Variants in SFXN1 observed in about 807,000 individuals in gnomAD.
SFXN1 encodes the protein sideroflexin-1.
SFXN1 carries 32 observed loss-of-function variants against 39.5 expected under a neutral mutation model. The ratio of observed to expected loss-of-function variants is 0.81; its 90% CI spans 0.61 to 1.09. The LOEUF (loss-of-function observed/expected upper bound fraction) is 1.09. Ranked by LOEUF, SFXN1 falls within the 50% of genes least tolerant of loss-of-function variation. The probability of loss-of-function intolerance (pLI) is 0.00; values close to 1 mark genes in which losing one functional copy is unlikely to be tolerated. For missense variants in SFXN1, 402 were observed against 407.1 expected (o/e 0.99, Z 0.11); for synonymous variants, 136 against 146.5 (o/e 0.93, Z 0.52).
intron 3 of SFXN1, 84 bp from the exon 4 acceptor site, chr5:175,510,025 C>G: frequency 9.2e-7 from 1 of 1,082,710 alleles, no homozygotes; most frequent in Non-Finnish European, 1.4e-6. Context: ...CGTCTCCTCT[C>G]TGGTTACTGG....
At chr5:175,513,728 G>C in intron 7 of SFXN1, 138 bp downstream of exon 7, 1 of 875,000 alleles carries the variant, frequency 1.1e-6, no homozygotes, top group Non-Finnish European at 1.7e-6. Context: ...AAATAAACAA[G>C]TAAATAAAGT....
chr5:175,487,258 A>G (rs1759485272), intron 1 of SFXN1, among the ~76,000 whole-genome samples: 1 of 152,196 alleles, frequency 6.6e-6, no homozygotes, highest in African/African-American at 2.4e-5. Flanking sequence ...ATTTGTCTTT[A>G]TAAGAAGCTC....
At chr5:175,495,470 T>C (rs1393110139) in intron 2 of SFXN1, among the ~76,000 whole-genome samples, 1 of 152,226 alleles carries the variant, frequency 6.6e-6, no homozygotes, top group Admixed American at 6.5e-5. Context: ...GGCACATGCC[T>C]GTAATCCCAG....
chr5:175,524,036 A>G (rs2113365985), intron 10 of SFXN1: 1 of 147,914 alleles, frequency 6.8e-6, no homozygotes, highest in South Asian at 2.2e-4. Context: ...CCCAGTAGGC[A>G]GAGGCTGTGG....
intron 4 of SFXN1, chr5:175,510,418 G>A: frequency 1.9e-6 from 1 of 518,890 alleles, no homozygotes; most frequent in Non-Finnish European, 3.4e-6. Flanking sequence ...CTTCCAGCCT[G>A]CCTTCTCAGA....
intron 1 of SFXN1, among the ~76,000 whole-genome samples, chr5:175,486,187 T>G (rs267391): frequency 0.64 from 96,033 of 150,392 alleles, 30,734 homozygotes; most frequent in African/African-American, 0.7. Flanking sequence ...AGGAAAAAAG[T>G]GGGGGGGCCT....
At chr5:175,522,982 TC>T (rs1327254202) in intron 10 of SFXN1, 1 of 152,430 alleles carries the variant, frequency 6.6e-6, no homozygotes, top group African/African-American at 2.4e-5. Context: ...TTGACCTGAC[TC>T]CAACACACAA....
At chr5:175,483,258 G>A (rs913445604) in intron 1 of SFXN1, among the ~76,000 whole-genome samples, 2 of 152,064 alleles carry the variant, frequency 1.3e-5, no homozygotes, top group East Asian at 1.9e-4. Flanking sequence ...CCAGGTAGCC[G>A]ACATCATTGT....
At chr5:175,501,796 C>T (rs544397705) in intron 2 of SFXN1, among the ~76,000 whole-genome samples, 288 of 152,330 alleles carry the variant, frequency 1.9e-3, no homozygotes, top group African/African-American at 6.0e-3. Flanking sequence ...ACACCTACTT[C>T]ACCTACTAGA....
At chr5:175,517,898 T>G (rs1561674397) in intron 8 of SFXN1, among the ~76,000 whole-genome samples, 1 of 152,102 alleles carries the variant, frequency 6.6e-6, no homozygotes, top group African/African-American at 2.4e-5. Flanking sequence ...GTGTGCCTCC[T>G]CTGCAAGGAG....
chr5:175,510,676 T>C (rs1277077258), intron 4 of SFXN1, among the ~76,000 whole-genome samples: 1 of 152,162 alleles, frequency 6.6e-6, no homozygotes, highest in Non-Finnish European at 1.5e-5. Context: ...GTTTTTAAAA[T>C]AGCTCATCTG....
intron 2 of SFXN1, among the ~76,000 whole-genome samples, chr5:175,497,950 A>C (rs960011814): frequency 6.6e-6 from 1 of 151,684 alleles, no homozygotes; most frequent in Non-Finnish European, 1.5e-5. Flanking sequence ...AAAAAAAAAA[A>C]AAAAACCACA....
chr5:175,518,881 A>G (rs1379527884), intron 8 of SFXN1, among the ~76,000 whole-genome samples: 1 of 152,254 alleles, frequency 6.6e-6, no homozygotes, highest in Non-Finnish European at 1.5e-5. Flanking sequence ...CCATAAAAGA[A>G]AAATTGATCA....
intron 2 of SFXN1, among the ~76,000 whole-genome samples, chr5:175,496,601 A>G (rs944571319): frequency 2.0e-5 from 3 of 152,252 alleles, no homozygotes; most frequent in Admixed American, 6.5e-5. Flanking sequence ...ATTTACTAAC[A>G]TAACAACAAA....
chr5:175,503,755 C>G (rs1012895117), intron 2 of SFXN1, among the ~76,000 whole-genome samples: 1 of 152,094 alleles, frequency 6.6e-6, no homozygotes, highest in Non-Finnish European at 1.5e-5. Context: ...ATAATCCCAA[C>G]ACTTTGAGAG....
In SFXN1 at chr5:175,525,511, T is replaced by G. The variant is rs145710048; in HGVS notation, c.873-1127T>G. Among the ~76,000 whole-genome samples, 41 of 152,342 alleles carry G rather than the reference T, an allele frequency of 2.7e-4. 1 individual carries two copies. In the East Asian group the frequency reaches 5.8e-3, roughly 21 times the overall value. On this transcript the variant is annotated intron_variant, in intron 10 of 10. Coordinates refer to ENST00000321442, the MANE Select transcript of SFXN1 (RefSeq NM_022754.7). ...TTTTTTTTCCTACCTTTTTTCTATATTCGTAATTTTTAAAATTTGTTTTGC... is the reference window on the plus strand; with the variant it reads ...TTTTTTTTCCTACCTTTTTTCTATAGTCGTAATTTTTAAAATTTGTTTTGC...
At position 175,480,780 on chromosome 5, in the gene SFXN1, C is replaced by G. The variant is rs147001471; in HGVS notation, c.-10+2141C>G. Among the ~76,000 whole-genome samples the G allele has an allele frequency of 6.5e-4, 99 of 152,272 alleles. No homozygotes were observed. In the East Asian group the frequency reaches 0.015, roughly 23 times the overall value. ...AAACGTTGTTGTTCTGGAAGACTTACGTTGAAGTCAGGCATCTGTATCCTG... is the reference window on the plus strand; with the variant it reads ...AAACGTTGTTGTTCTGGAAGACTTAGGTTGAAGTCAGGCATCTGTATCCTG... On this transcript the variant is annotated intron_variant, in intron 1 of 10. Transcript: ENST00000321442.
chr5:175,488,783 C>G (rs1482495657), intron 1 of SFXN1, among the ~76,000 whole-genome samples: 3 of 152,216 alleles, frequency 2.0e-5, no homozygotes, highest in Non-Finnish European at 4.4e-5. Context: ...GTAGTCCTAG[C>G]TAATCGGGAG....
intron 2 of SFXN1, among the ~76,000 whole-genome samples, chr5:175,504,019 A>AAG (rs1363068796): frequency 6.6e-6 from 1 of 150,594 alleles, no homozygotes; most frequent in African/African-American, 2.4e-5. Context: ...AAAAAAAAAA[A>AAG]AGGGATCCTA....
Sources: allele counts gnomAD v4.1 joint callset (sites outside exome capture counted in the v4.1 genomes callset), GRCh38; gene constraint gnomAD v4.1.1; transcripts MANE v1.5; gene names NCBI Gene and HGNC (gene_info 2026-07-23, HGNC 2026-07-21).